Variants in AOX1 observed in about 807,000 individuals in gnomAD.
The protein encoded by AOX1 is aldehyde oxidase 1, also known as aldehyde oxidase.
A neutral mutation model predicts 169.5 loss-of-function variants in AOX1; 153 were observed. That is an observed-to-expected ratio of 0.90 (90% CI 0.79 to 1.03). AOX1 has a LOEUF of 1.03. Among genes scored for constraint, AOX1 ranks in the 50% least tolerant of loss-of-function variants. The pLI, the probability that AOX1 is intolerant of heterozygous loss-of-function variation, is 0.00. For synonymous variants in AOX1, 562 were observed against 581.9 expected (o/e 0.97, Z 0.49); for missense variants, 1,656 against 1,663.9 (o/e 1.00, Z 0.08).
chr2:200,676,548 C>A (rs563448377), intron 4 of AOX1, among the ~76,000 whole-genome samples: 1 of 145,906 alleles, frequency 6.9e-6, no homozygotes, highest in South Asian at 2.2e-4. Context: ...TGCAGTGAGC[C>A]GAGATCACAC....
chr2:200,629,233 G>A (rs1440753882), intron 20 of AOX1, among the ~76,000 whole-genome samples: 1 of 152,176 alleles, frequency 6.6e-6, no homozygotes, highest in Non-Finnish European at 1.5e-5. Context: ...CTTATTAGCT[G>A]TGTAACCTGG....
At chr2:200,680,371 C>A (rs932541209), downstream of AOX1, among the ~76,000 whole-genome samples, 3 of 151,936 alleles carry the variant, frequency 2.0e-5, no homozygotes, top group Non-Finnish European at 1.5e-5. Context: ...CTAAAAATAC[C>A]CTCTCCCATC....
intron 4 of AOX1, among the ~76,000 whole-genome samples, chr2:200,599,012 A>G (rs996110121): frequency 1.3e-5 from 2 of 152,180 alleles, no homozygotes; most frequent in Non-Finnish European, 2.9e-5. Flanking sequence ...CAGGCATACA[A>G]TACCCTTTCA....
intron 23 of AOX1, 141 bp from the exon 24 acceptor site, chr2:200,640,957 G>A (rs2035340396): frequency 7.1e-6 from 4 of 560,754 alleles, no homozygotes; most frequent in Non-Finnish European, 3.3e-6. Flanking sequence ...AGATCACAGA[G>A]CTAGTTATAT....
At position 200,609,415 on chromosome 2, in the gene AOX1, G is replaced by T. The variant is rs754182845; in HGVS notation, c.1153+1G>T. On this transcript the variant is annotated splice_donor_variant, in intron 12 of 34. Coordinates refer to ENST00000374700, the MANE Select transcript of AOX1 (RefSeq NM_001159.4). LOFTEE classifies it high-confidence loss of function. ...TGTACCCTCAACTTGCTATCAAAAG[G>T]TAAGTGACAGCCCCTACTTGGAGAT... is the stretch of plus-strand genomic sequence containing the variant. The T allele has an allele frequency of 6.2e-7, 1 of 1,612,404 alleles. No homozygotes were observed. Among genetic ancestry groups the T allele is most frequent in the Admixed American group, 1.7e-5 (1 of 59,972 alleles).
chr2:200,609,317 A>G lies in AOX1; in HGVS notation c.1060-4A>G. ...AAATGAAAATAACTCATTATTTTTA[A>G]AAGTCTTTAGGGGGACACATCATTA... is the stretch of plus-strand genomic sequence containing the variant. On this transcript the variant is annotated splice_polypyrimidine_tract_variant and splice_region_variant and intron_variant, in intron 11 of 34. Coordinates refer to ENST00000374700, the MANE Select transcript of AOX1 (RefSeq NM_001159.4). 1 of 1,613,208 alleles carries G rather than the reference A, an allele frequency of 6.2e-7. No homozygotes were observed. The highest frequency in any genetic ancestry group is 8.5e-7 in the Non-Finnish European group (1 of 1,179,390).
At chr2:200,645,365 T>C (rs892589436) in intron 25 of AOX1, among the ~76,000 whole-genome samples, 6 of 152,240 alleles carry the variant, frequency 3.9e-5, no homozygotes, top group African/African-American at 1.4e-4. Flanking sequence ...ATGTAGTGTA[T>C]CAAATTTATT....
At chr2:200,655,417 C>T (rs1385542634) in intron 26 of AOX1, among the ~76,000 whole-genome samples, 1 of 152,042 alleles carries the variant, frequency 6.6e-6, no homozygotes, top group Non-Finnish European at 1.5e-5. Context: ...GATGAATGTC[C>T]AGGAGCAAAA....
chr2:200,671,741 A>G (rs769067299), downstream of AOX1, among the ~76,000 whole-genome samples: 14 of 151,916 alleles, frequency 9.2e-5, no homozygotes, highest in Non-Finnish European at 1.3e-4. Flanking sequence ...TGTGGAAAAT[A>G]GTTTAGCATT....
chr2:200,597,271 T>C (rs2034301601), intron 3 of AOX1, 126 bp from the exon 4 acceptor site: 3 of 551,818 alleles, frequency 5.4e-6, no homozygotes, highest in Admixed American at 6.7e-5. Context: ...GGAGGAAATG[T>C]ATGTGTAAAA....
intron 5 of AOX1, 100 bp from the exon 6 acceptor site, chr2:200,602,184 T>C: frequency 1.1e-6 from 1 of 898,784 alleles, no homozygotes; most frequent in Non-Finnish European, 1.8e-6. Flanking sequence ...GTCAAACAGA[T>C]CTTTCCTCTA....
intron 10 of AOX1, among the ~76,000 whole-genome samples, chr2:200,608,195 A>G (rs1227036312): frequency 1.3e-5 from 2 of 152,188 alleles, no homozygotes; most frequent in African/African-American, 4.8e-5. Flanking sequence ...ATTCTGGAGG[A>G]AGACTGAGGG....
At position 200,668,626 on chromosome 2, in the gene AOX1, A is replaced by G; in HGVS notation, c.3621A>G (p.Ala1207=). 5 of 1,604,116 alleles carry G rather than the reference A, an allele frequency of 3.1e-6. No homozygotes were observed. The highest frequency in any genetic ancestry group is 4.3e-6 in the Non-Finnish European group (5 of 1,175,842). ...PAIDIGQIEG[A]FIQGMGLYTI... ...TGTTCTTGCCTCAGATTGAAGGTGC[A>G]TTTATTCAAGGCATGGGACTTTATA... Residue 1207 remains alanine, a synonymous_variant, in exon 33 of 35, where the codon GCA becomes GCG. Transcript: ENST00000374700.
At chr2:200,601,073 CTTTT>C (rs58855977) in intron 5 of AOX1, among the ~76,000 whole-genome samples, 13 of 120,470 alleles carry the variant, frequency 1.1e-4, no homozygotes, top group South Asian at 2.8e-4. Context: ...GCTTAGAGTG[CTTTT>C]TTTTTTTTTT....
At chr2:200,646,315 A>G (rs2035451515) in intron 25 of AOX1, among the ~76,000 whole-genome samples, 2 of 152,088 alleles carry the variant, frequency 1.3e-5, no homozygotes, top group African/African-American at 2.4e-5. Flanking sequence ...TTCATTTTTG[A>G]CCCAATGCTC....
chr2:200,654,827 A>G (rs940440443), intron 26 of AOX1, among the ~76,000 whole-genome samples: 15 of 152,242 alleles, frequency 9.9e-5, no homozygotes, highest in Non-Finnish European at 1.8e-4. Flanking sequence ...GCTTTGCAGA[A>G]TTATCTTTTG....
intron 26 of AOX1, 114 bp from the exon 27 acceptor site, chr2:200,656,728 C>A (rs1295503893): frequency 2.8e-6 from 2 of 717,660 alleles, no homozygotes; most frequent in African/African-American, 1.8e-5. Flanking sequence ...TTGCTCCACC[C>A]TGGGGGGTGC....
In AOX1 at chr2:200,641,082, C is replaced by T. The variant is rs1375433836; in HGVS notation, c.2569-16C>T. On this transcript the variant is annotated splice_polypyrimidine_tract_variant and intron_variant, in intron 23 of 34. Transcript: ENST00000374700. ...TGGCCCCTGTTCCAGCATTCGATAT[C>T]GGTTCTCTTCCCCAGGCTGGATTCA... 3.1e-6 allele frequency: 5 copies of T among 1,603,500 alleles called. No homozygotes were observed. Among genetic ancestry groups the T allele is most frequent in the Admixed American group, 1.7e-5 (1 of 59,830 alleles).
In AOX1 at chr2:200,660,172, A is replaced by T. The variant is rs1286303480; in HGVS notation, c.3375+103A>T. On this transcript the variant is annotated intron_variant, in intron 29 of 34. Transcript: ENST00000374700. Reference sequence around the variant, plus strand: ...TGAAATCTGTAGAAAGGGCATTTGCAAAGGTACCACCATTGTGTAATGATA... The same window carrying T: ...TGAAATCTGTAGAAAGGGCATTTGCTAAGGTACCACCATTGTGTAATGATA... 42 of 925,876 alleles carry T rather than the reference A, an allele frequency of 4.5e-5. No individual in the cohort carries two copies. The East Asian group carries it at 9.9e-4, about 22-fold the overall frequency. 57.4% of individuals were successfully genotyped at this position (925,876 alleles called of 1,614,324 possible).
Sources: gnomAD v4.1 joint callset for allele counts (sites outside exome capture counted in the v4.1 genomes callset) on GRCh38, gnomAD v4.1.1 for gene constraint, MANE v1.5 for transcripts, NCBI Gene and HGNC (gene_info 2026-07-23, HGNC 2026-07-21) for gene names.